NTRK2: variants seen among roughly 807,000 people sequenced by gnomAD.
NTRK2 encodes the protein BDNF/NT-3 growth factors receptor.
Under a neutral mutation model 94.5 loss-of-function variants are expected in NTRK2, and 13 were observed. The ratio of observed to expected loss-of-function variants is 0.14; its 90% CI spans 0.09 to 0.22. The LOEUF is 0.22. Among genes scored for constraint, NTRK2 ranks in the 10% least tolerant of loss-of-function variants. The pLI is 1.00. For synonymous variants in NTRK2, 372 were observed against 407.4 expected, an observed-to-expected ratio of 0.91 and a Z score of 1.05; for missense variants, 639 against 1,071.2, an observed-to-expected ratio of 0.60 and a Z score of 5.63.
intron 14 of NTRK2, among the ~76,000 whole-genome samples, chr9:84,930,936 G>A (rs909974331): frequency 6.6e-6 from 1 of 152,186 alleles, no homozygotes; most frequent in Non-Finnish European, 1.5e-5. Flanking sequence ...AGGCTTAGAA[G>A]AGTTGACCTC....
intron 12 of NTRK2, among the ~76,000 whole-genome samples, chr9:84,820,169 C>CTTTTTTTTTTTT: frequency 7.5e-6 from 1 of 132,546 alleles, no homozygotes; most frequent in Non-Finnish European, 1.6e-5. Flanking sequence ...TTCTTTCTTT[C>CTTTTTTTTTTTT]TTTTTTTTTT....
chr9:84,901,189 G>GTTTTATTTTA (rs1268312803), intron 14 of NTRK2, among the ~76,000 whole-genome samples: 4 of 72,592 alleles, frequency 5.5e-5, no homozygotes, highest in African/African-American at 1.4e-4. Flanking sequence ...ATTTTGTTTT[G>GTTTTATTTTA]TTTTGTTTTG....
intron 12 of NTRK2, among the ~76,000 whole-genome samples, chr9:84,798,964 C>T (rs1020126454): frequency 8.1e-5 from 11 of 136,388 alleles, no homozygotes; most frequent in Non-Finnish European, 1.4e-4. Flanking sequence ...TGCACATCAG[C>T]CCCAAATTAA....
chr9:84,752,438 G>T (rs1427484735), intron 12 of NTRK2, among the ~76,000 whole-genome samples: 2 of 152,194 alleles, frequency 1.3e-5, no homozygotes, highest in Non-Finnish European at 2.9e-5. Flanking sequence ...TGTATTTTGT[G>T]CAGAAAGGTC....
chr9:84,853,155 C>A (rs774817765), intron 12 of NTRK2, among the ~76,000 whole-genome samples: 38 of 152,086 alleles, frequency 2.5e-4, no homozygotes, highest in Non-Finnish European at 4.1e-4. Context: ...TACCCAGGCT[C>A]AGGAAAGCTA....
At chr9:84,712,439 TG>T (rs1003962129) in intron 6 of NTRK2, among the ~76,000 whole-genome samples, 6 of 152,032 alleles carry the variant, frequency 3.9e-5, no homozygotes, top group Admixed American at 3.3e-4. Flanking sequence ...TGTCTAAGAG[TG>T]AGGTTTTGAA....
At chr9:84,897,646 C>T (rs954482393) in intron 14 of NTRK2, among the ~76,000 whole-genome samples, 7 of 152,174 alleles carry the variant, frequency 4.6e-5, no homozygotes, top group African/African-American at 1.7e-4. Context: ...AGAATGATGC[C>T]TGAGCCAGGT....
chr9:84,898,859 CGCCCG>C (rs2076841597), intron 14 of NTRK2, among the ~76,000 whole-genome samples: 1 of 152,114 alleles, frequency 6.6e-6, no homozygotes, highest in South Asian at 2.1e-4. Flanking sequence ...TGCACCACCA[CGCCCG>C]GCTAGTTTTG....
intron 2 of NTRK2, among the ~76,000 whole-genome samples, chr9:84,694,201 G>A (rs1299633980): frequency 6.6e-6 from 1 of 152,178 alleles, no homozygotes. Flanking sequence ...TGACTTAGGG[G>A]AAGTGATCTG....
At chr9:84,865,564 T>A (rs1372384351) in intron 13 of NTRK2, among the ~76,000 whole-genome samples, 2 of 152,190 alleles carry the variant, frequency 1.3e-5, no homozygotes, top group Admixed American at 1.3e-4. Flanking sequence ...TTGCTGTGCT[T>A]CTCACTAAAA....
intron 17 of NTRK2, among the ~76,000 whole-genome samples, chr9:84,959,635 G>C (rs1476244168): frequency 6.6e-6 from 1 of 152,216 alleles, no homozygotes; most frequent in Non-Finnish European, 1.5e-5. Context: ...CATTTGCATT[G>C]AAACCAGCCC....
chr9:84,690,583 G>C (rs372413055), intron 2 of NTRK2, among the ~76,000 whole-genome samples: 25 of 152,012 alleles, frequency 1.6e-4, no homozygotes, highest in African/African-American at 5.8e-4. Flanking sequence ...GTGGCCGGTG[G>C]TGGCAGGCGC....
Position 84,995,556 on chromosome 9 carries a change from GA to G in NTRK2, c.2173-24649del, listed in dbSNP as rs143955431. ...CATTGGAGTTGATTCTGGCCTGGGGGATGAGAGGCTGTGCCGCTGGGTCTGC... is the reference window on the plus strand; with the variant it reads ...CATTGGAGTTGATTCTGGCCTGGGGGTGAGAGGCTGTGCCGCTGGGTCTGC... On this transcript the variant is annotated intron_variant, in intron 17 of 18. Coordinates refer to ENST00000277120, the MANE Select transcript of NTRK2 (RefSeq NM_006180.6). Among the ~76,000 whole-genome samples the G allele has an allele frequency of 5.8e-3, 878 of 152,300 alleles. 26 individuals carry two copies. The highest frequency in any genetic ancestry group is 0.04 in the East Asian group (207 of 5,180).
chr9:85,014,455 G>A lies in NTRK2; in HGVS notation c.2173-5751G>A, dbSNP rs560909808. 1.7e-4 allele frequency among the ~76,000 whole-genome samples: 26 copies of A among 152,308 alleles called. No individual in the cohort carries two copies. In the South Asian group the frequency reaches 5.0e-3, roughly 29 times the overall value. The stretch of plus-strand genomic sequence containing the variant: ...AGCATGAAGAGTGGTGGAATAGAGA[G>A]CTGTCTTCAATACCATTTGGTCGCC... On this transcript the variant is annotated intron_variant, in intron 17 of 18. Coordinates refer to ENST00000277120, the MANE Select transcript of NTRK2 (RefSeq NM_006180.6).
intron 12 of NTRK2, among the ~76,000 whole-genome samples, chr9:84,832,958 A>G (rs1020081513): frequency 9.9e-5 from 15 of 152,094 alleles, no homozygotes; most frequent in Non-Finnish European, 2.1e-4. Flanking sequence ...TGCACACTCT[A>G]TGGAGCCTTG....
In NTRK2 at chr9:84,892,648, C is replaced by T. The variant is rs532852767; in HGVS notation, c.1633+25217C>T. On this transcript the variant is annotated intron_variant, in intron 14 of 18. Coordinates refer to ENST00000277120, the MANE Select transcript of NTRK2 (RefSeq NM_006180.6). ...AATATTTACTGTCCTAGGCTGGGCA[C>T]AGTGGCTCACGCCTGCAATCCCAAC... Among the ~76,000 whole-genome samples, 4 of 152,364 alleles carry T rather than the reference C, an allele frequency of 2.6e-5. No homozygotes were observed. The South Asian group carries it at 8.3e-4, about 32-fold the overall frequency.
At chr9:84,747,783 C>T (rs2132428481) in intron 11 of NTRK2, among the ~76,000 whole-genome samples, 1 of 152,182 alleles carries the variant, frequency 6.6e-6, no homozygotes, top group East Asian at 1.9e-4. Flanking sequence ...ACCTGGCCTT[C>T]TGGGGTTTTT....
intron 15 of NTRK2, among the ~76,000 whole-genome samples, chr9:84,944,769 ACTT>A (rs2078537513): frequency 1.3e-5 from 2 of 152,208 alleles, no homozygotes; most frequent in Non-Finnish European, 2.9e-5. Flanking sequence ...ATTCATGCAT[ACTT>A]TGACCTTCTT....
In NTRK2 at chr9:84,786,888, C is replaced by CT. The variant is rs998658489; in HGVS notation, c.1396+34808dup. On this transcript the variant is annotated intron_variant, in intron 12 of 18. Coordinates refer to ENST00000277120, the MANE Select transcript of NTRK2 (RefSeq NM_006180.6). ...TCGAAAATCCACTCTCGATTTTCATCTTTTTAAATTGACATTTTATTGTCC... is the reference window on the plus strand; with the variant it reads ...TCGAAAATCCACTCTCGATTTTCATCTTTTTTAAATTGACATTTTATTGTCC... Among the ~76,000 whole-genome samples the CT allele has an allele frequency of 1.7e-4, 26 of 152,260 alleles. 1 individual carries two copies. The highest frequency in any genetic ancestry group is 1.8e-4 in the Non-Finnish European group (12 of 68,032).
Sources: allele counts gnomAD v4.1 joint callset (sites outside exome capture counted in the v4.1 genomes callset), GRCh38; gene constraint gnomAD v4.1.1; transcripts MANE v1.5; gene names NCBI Gene and HGNC (gene_info 2026-07-23, HGNC 2026-07-21).